The following PDE4B variants were observed in gnomAD, a reference collection of about 807,000 sequenced individuals.
PDE4B encodes 3',5'-cyclic-AMP phosphodiesterase 4B.
PDE4B carries 20 observed loss-of-function variants against 82.2 expected under a neutral mutation model. The ratio of observed to expected loss-of-function variants is 0.24; its 90% CI spans 0.17 to 0.35. The LOEUF is 0.35. Among genes scored for constraint, PDE4B ranks in the 10% least tolerant of loss-of-function variants. The pLI is 1.00. For synonymous variants in PDE4B, 320 were observed against 318.9 expected (o/e 1.00, Z -0.04); for missense variants, 655 against 907.2 (o/e 0.72, Z 3.57).
At chr1:66,278,850 T>TTG (rs369771725) in intron 7 of PDE4B, among the ~76,000 whole-genome samples, 23 of 141,592 alleles carry the variant, frequency 1.6e-4, no homozygotes, top group Admixed American at 2.8e-4. Flanking sequence ...GTATGTGTGT[T>TTG]TGTGTGTGTG....
chr1:66,355,159 A>G, intron 8 of PDE4B: 1 of 399,954 alleles, frequency 2.5e-6, no homozygotes, highest in East Asian at 3.9e-5. Context: ...CTTTTCACAT[A>G]TAATCTCCTC....
intron 1 of PDE4B, among the ~76,000 whole-genome samples, chr1:65,800,973 C>A (rs138468522): frequency 1.7e-3 from 264 of 152,326 alleles, no homozygotes; most frequent in African/African-American, 6.1e-3. Flanking sequence ...TCTCTCTCAT[C>A]TTCCTCTGCT....
chr1:66,244,723 G>A (rs893692741), intron 3 of PDE4B, among the ~76,000 whole-genome samples: 5 of 152,228 alleles, frequency 3.3e-5, no homozygotes, highest in Non-Finnish European at 5.9e-5. Flanking sequence ...CCCTAAGACT[G>A]CTTCTTTGCA....
chr1:66,310,937 G>A (rs1368015668), intron 7 of PDE4B, among the ~76,000 whole-genome samples: 2 of 152,168 alleles, frequency 1.3e-5, no homozygotes, highest in South Asian at 2.1e-4. Context: ...TTGAGTGCTC[G>A]ATAAATGTAT....
intron 3 of PDE4B, among the ~76,000 whole-genome samples, chr1:65,961,463 A>T (rs866757169): frequency 6.6e-6 from 1 of 152,202 alleles, no homozygotes; most frequent in African/African-American, 2.4e-5. Flanking sequence ...TTATAATTTT[A>T]TAGCTCCTCT....
Position 65,803,293 on chromosome 1 carries a change from G to A in PDE4B, c.-71+10045G>A, listed in dbSNP as rs911499555. Among the ~76,000 whole-genome samples the A allele has an allele frequency of 7.9e-5, 12 of 152,078 alleles. 1 individual carries two copies. Among genetic ancestry groups the A allele is most frequent in the Non-Finnish European group, 1.5e-4 (10 of 68,008 alleles). On this transcript the variant is annotated intron_variant, in intron 1 of 16. Transcript: ENST00000341517. ...CAACTGTTCTCACCACACATCAAAA[G>A]GATGTTATAAAGACAAATGAAATAA...
At chr1:65,804,061 T>C (rs756687551) in intron 1 of PDE4B, among the ~76,000 whole-genome samples, 7 of 152,334 alleles carry the variant, frequency 4.6e-5, no homozygotes, top group Non-Finnish European at 8.8e-5. Context: ...AGAAACAGTC[T>C]TTAAACTACA....
intron 3 of PDE4B, among the ~76,000 whole-genome samples, chr1:65,958,776 A>G (rs1649396117): frequency 6.6e-6 from 1 of 152,138 alleles, no homozygotes; most frequent in Admixed American, 6.5e-5. Flanking sequence ...ACACACATAC[A>G]CACACGCAAA....
At chr1:66,332,704 C>A in intron 8 of PDE4B, 84 bp downstream of exon 8, 2 of 1,032,416 alleles carry the variant, frequency 1.9e-6, no homozygotes, top group Non-Finnish European at 2.9e-6. Flanking sequence ...GCAGAGTGCA[C>A]CAGGGAATGC....
chr1:66,366,240 C>A (rs1327795297), intron 13 of PDE4B, among the ~76,000 whole-genome samples: 1 of 152,100 alleles, frequency 6.6e-6, no homozygotes, highest in Admixed American at 6.6e-5. Flanking sequence ...TGAGTTTCCA[C>A]AGTTCAGAAG....
chr1:65,873,238 A>G (rs1199886174), intron 1 of PDE4B, among the ~76,000 whole-genome samples: 1 of 152,192 alleles, frequency 6.6e-6, no homozygotes, highest in African/African-American at 2.4e-5. Context: ...AGTTGTGTGT[A>G]GTGGGAGTTC....
At chr1:65,895,851 AC>A (rs1646903666) in intron 1 of PDE4B, among the ~76,000 whole-genome samples, 3 of 106,044 alleles carry the variant, frequency 2.8e-5, no homozygotes, top group Non-Finnish European at 4.6e-5. Flanking sequence ...GTATTACTTA[AC>A]ACAGTATTAG....
intron 16 of PDE4B, 138 bp downstream of exon 16, chr1:66,369,107 T>C: frequency 1.6e-6 from 1 of 629,708 alleles, no homozygotes. Flanking sequence ...TGTTCCATTA[T>C]AGTCAGGACT....
At chr1:66,198,164 G>T (rs2101513749) in intron 3 of PDE4B, among the ~76,000 whole-genome samples, 1 of 152,166 alleles carries the variant, frequency 6.6e-6, no homozygotes, top group East Asian at 1.9e-4. Flanking sequence ...AAACCAAGCG[G>T]CTAATATTCT....
At chr1:66,074,869 G>T (rs913977167) in intron 3 of PDE4B, among the ~76,000 whole-genome samples, 4 of 151,944 alleles carry the variant, frequency 2.6e-5, no homozygotes, top group African/African-American at 9.7e-5. Context: ...CATCTTTTGT[G>T]TATCTGTTTG....
rs566768852 is a variant in PDE4B, at chr1:66,312,052, T to A, written c.635-20456T>A. ...AGTGCCTCTTATTCTTCATCAGGGA[T>A]CTATAAAGCTTTTTCAATAGTAAAA... On this transcript the variant is annotated intron_variant, in intron 7 of 16. Coordinates refer to ENST00000341517, the MANE Select transcript of PDE4B (RefSeq NM_002600.4). 5.3e-5 allele frequency among the ~76,000 whole-genome samples: 8 copies of A among 152,314 alleles called. No homozygotes were observed. In the East Asian group the frequency reaches 1.4e-3, roughly 26 times the overall value.
intron 8 of PDE4B, among the ~76,000 whole-genome samples, chr1:66,345,739 G>A (rs934960196): frequency 2.6e-5 from 4 of 152,196 alleles, no homozygotes; most frequent in African/African-American, 9.6e-5. Flanking sequence ...TACATGTAGG[G>A]GCCTGCCATG....
intron 8 of PDE4B, among the ~76,000 whole-genome samples, chr1:66,343,062 AAAC>A (rs1190031537): frequency 5.9e-5 from 9 of 151,958 alleles, no homozygotes; most frequent in African/African-American, 2.2e-4. Context: ...CCCTGTCAAA[AAAC>A]AACAACAAAA....
At chr1:66,352,409 G>C (rs576166135) in intron 8 of PDE4B, among the ~76,000 whole-genome samples, 16 of 152,300 alleles carry the variant, frequency 1.1e-4, no homozygotes, top group African/African-American at 3.6e-4. Context: ...TTTCAGCCCT[G>C]CAGCTGAGAG....
Sources: gnomAD v4.1 joint callset for allele counts (sites outside exome capture counted in the v4.1 genomes callset) on GRCh38, gnomAD v4.1.1 for gene constraint, MANE v1.5 for transcripts, NCBI Gene and HGNC (gene_info 2026-07-23, HGNC 2026-07-21) for gene names.